The following ADAM10 variants were observed in gnomAD, a reference collection of about 807,000 sequenced individuals.
ADAM10 encodes the protein ADAM metallopeptidase domain 10, also known as disintegrin and metalloproteinase domain-containing protein 10.
A neutral mutation model predicts 90.1 loss-of-function variants in ADAM10; 17 were observed. The ratio of observed to expected loss-of-function variants is 0.19; its 90% CI spans 0.13 to 0.28. ADAM10 has a LOEUF of 0.28. Ranked by LOEUF, ADAM10 falls within the 10% of genes least tolerant of loss-of-function variation. The probability of loss-of-function intolerance (pLI) is 1.00; values close to 1 mark genes in which losing one functional copy is unlikely to be tolerated. For synonymous variants in ADAM10, 310 were observed against 298.6 expected, an observed-to-expected ratio of 1.04 and a Z score of -0.40; for missense variants, 610 against 914.3, an observed-to-expected ratio of 0.67 and a Z score of 4.29.
At chr15:58,681,502 T>A (rs1300361302) in intron 3 of ADAM10, among the ~76,000 whole-genome samples, 3 of 152,216 alleles carry the variant, frequency 2.0e-5, no homozygotes, top group African/African-American at 7.2e-5. Flanking sequence ...AACACTGTCT[T>A]AAGTGAGAAT....
intron 5 of ADAM10, among the ~76,000 whole-genome samples, chr15:58,647,242 C>T (rs1436496691): frequency 1.5e-5 from 1 of 65,532 alleles, no homozygotes; most frequent in African/African-American, 4.6e-5. Context: ...AGAGTAGACA[C>T]TAAGTATTTT....
At position 58,693,015 on chromosome 15, in the gene ADAM10, G is replaced by C. The variant is rs1330898192; in HGVS notation, c.207-10701C>G. The C allele has an allele frequency of 6.4e-6, 5 of 782,454 alleles. No homozygotes were observed. In the African/African-American group the frequency reaches 8.5e-5, roughly 13 times the overall value. 48.5% of individuals were successfully genotyped at this position (782,454 alleles called of 1,614,324 possible). A position where few individuals can be genotyped will look rare whatever the true frequency, so the allele number is the denominator to read the frequency against. On this transcript the variant is annotated intron_variant, in intron 2 of 15. Transcript: ENST00000260408. ...CTTTACCACCGTCCAACTTGGAAGG[G>C]TCTGTCAGGCTCTCATAGCGAATCT...
chr15:58,599,335 GA>G (rs1895049142), intron 15 of ADAM10, among the ~76,000 whole-genome samples: 1 of 148,464 alleles, frequency 6.7e-6, no homozygotes, highest in Non-Finnish European at 1.5e-5. Flanking sequence ...AAAAAAACAA[GA>G]AAACAAATAC....
At chr15:58,685,567 TA>T (rs1360559935) in intron 2 of ADAM10, among the ~76,000 whole-genome samples, 1 of 144,624 alleles carries the variant, frequency 6.9e-6, no homozygotes, top group Non-Finnish European at 1.5e-5. Context: ...TATATATATA[TA>T]TATATATATA....
At chr15:58,638,314 A>G (rs1031572487) in intron 8 of ADAM10, among the ~76,000 whole-genome samples, 2 of 152,060 alleles carry the variant, frequency 1.3e-5, no homozygotes, top group Non-Finnish European at 2.9e-5. Flanking sequence ...CAATCACCAT[A>G]TTTTTGCTCA....
intron 2 of ADAM10, among the ~76,000 whole-genome samples, chr15:58,690,030 A>C (rs1242525964): frequency 6.6e-6 from 1 of 151,942 alleles, no homozygotes; most frequent in Admixed American, 6.6e-5. Context: ...AACTGAACAA[A>C]GCAATAAATA....
chr15:58,642,209 G>A (rs1896434037), intron 7 of ADAM10, among the ~76,000 whole-genome samples: 1 of 152,222 alleles, frequency 6.6e-6, no homozygotes, highest in African/African-American at 2.4e-5. Context: ...GCTCACGCCT[G>A]TAATCCCAGC....
chr15:58,621,298 A>C (rs1050959047), intron 11 of ADAM10, among the ~76,000 whole-genome samples, 173 bp downstream of exon 11: 2 of 150,474 alleles, frequency 1.3e-5, no homozygotes, highest in South Asian at 4.2e-4. Flanking sequence ...AAAGTAGTTC[A>C]ATCTGCCAAT....
chr15:58,637,668 C>G (rs1896300065), intron 8 of ADAM10, among the ~76,000 whole-genome samples: 1 of 152,042 alleles, frequency 6.6e-6, no homozygotes, highest in African/African-American at 2.4e-5. Context: ...TTTGAAACAT[C>G]AAAGAAAAGG....
intron 2 of ADAM10, among the ~76,000 whole-genome samples, chr15:58,713,090 A>T (rs1452298951): frequency 6.6e-6 from 1 of 152,108 alleles, no homozygotes; most frequent in East Asian, 1.9e-4. Flanking sequence ...ATGTACTTAA[A>T]TGTTTTGTTG....
chr15:58,683,691 C>T (rs754547076), intron 2 of ADAM10, among the ~76,000 whole-genome samples: 1 of 151,754 alleles, frequency 6.6e-6, no homozygotes, highest in Non-Finnish European at 1.5e-5. Flanking sequence ...GCAAAACCGT[C>T]TCTACTAAAA....
intron 6 of ADAM10, among the ~76,000 whole-genome samples, chr15:58,645,031 T>C (rs1896512478): frequency 6.6e-6 from 1 of 152,220 alleles, no homozygotes. Flanking sequence ...CAACTTCATT[T>C]ACAAAAAGTA....
intron 2 of ADAM10, among the ~76,000 whole-genome samples, chr15:58,689,842 G>T (rs1897723984): frequency 6.6e-6 from 1 of 150,998 alleles, no homozygotes. Context: ...ACCAGGGCCA[G>T]ATGGTTCCCC....
chr15:58,707,202 G>A (rs1439250207), intron 2 of ADAM10: 2 of 150,918 alleles, frequency 1.3e-5, no homozygotes, highest in Non-Finnish European at 2.9e-5. Flanking sequence ...GGGGAACAAG[G>A]GGAAACCCCC....
chr15:58,702,435 AC>A (rs1898162104), intron 2 of ADAM10, among the ~76,000 whole-genome samples: 1 of 152,202 alleles, frequency 6.6e-6, no homozygotes, highest in African/African-American at 2.4e-5. Context: ...TGTATATTTC[AC>A]AATAGTTTAA....
intron 14 of ADAM10, among the ~76,000 whole-genome samples, chr15:58,601,959 C>A (rs1328667037): frequency 6.6e-6 from 1 of 152,162 alleles, no homozygotes; most frequent in African/African-American, 2.4e-5. Flanking sequence ...ATTTTTATTT[C>A]ATTACTGCTG....
chr15:58,717,917 A>G (rs1898719753), intron 1 of ADAM10, among the ~76,000 whole-genome samples, 190 bp from the exon 2 acceptor site: 1 of 152,178 alleles, frequency 6.6e-6, no homozygotes, highest in African/African-American at 2.4e-5. Flanking sequence ...CCAACCGCAC[A>G]CACAAGTTTG....
chr15:58,601,655 T>C (rs1384277767), intron 14 of ADAM10, among the ~76,000 whole-genome samples: 1 of 152,154 alleles, frequency 6.6e-6, no homozygotes, highest in Non-Finnish European at 1.5e-5. Context: ...TAACATTTAA[T>C]CCTCAGACCC....
intron 5 of ADAM10, among the ~76,000 whole-genome samples, chr15:58,652,322 C>T (rs538457753): frequency 1.4e-4 from 21 of 152,210 alleles, no homozygotes; most frequent in African/African-American, 4.8e-4. Flanking sequence ...TTTTTGTCCA[C>T]ATGAAAGTGG....
Sources: allele counts gnomAD v4.1 joint callset (sites outside exome capture counted in the v4.1 genomes callset), GRCh38; gene constraint gnomAD v4.1.1; transcripts MANE v1.5; gene names NCBI Gene and HGNC (gene_info 2026-07-23, HGNC 2026-07-21).